The following AMMECR1 variants were observed in gnomAD, a reference collection of about 807,000 sequenced individuals.
AMMECR1 encodes nuclear protein AMMECR1.
AMMECR1 carries 3 observed loss-of-function variants against 22.5 expected under a neutral mutation model. The observed-to-expected ratio is 0.13, with a 90% CI of 0.06 to 0.35. The LOEUF is 0.35. Among genes scored for constraint, AMMECR1 ranks in the 10% least tolerant of loss-of-function variants. The probability of loss-of-function intolerance (pLI) is 1.00; values close to 1 mark genes in which losing one functional copy is unlikely to be tolerated. For synonymous variants in AMMECR1, 130 were observed against 116.7 expected (o/e 1.11, Z -0.74); for missense variants, 235 against 278.7 (o/e 0.84, Z 1.12).
At chrX:110,211,919 A>G (rs904498950) in intron 3 of AMMECR1, among the ~76,000 whole-genome samples, 4 of 111,757 alleles carry the variant, frequency 3.6e-5, no homozygotes, top group African/African-American at 9.8e-5. Flanking sequence ...GAGGCTACCC[A>G]TAAACACTTA....
chrX:110,318,400 G>C (rs1326580852), upstream of AMMECR1, among the ~76,000 whole-genome samples: 1 of 111,180 alleles, frequency 9.0e-6, no homozygotes, highest in Admixed American at 9.4e-5. Context: ...AGAAAGGAAG[G>C]TGAAGGAAAC....
intron 1 of AMMECR1, among the ~76,000 whole-genome samples, chrX:110,276,985 T>C (rs1008751516): frequency 9.0e-6 from 1 of 111,060 alleles, no homozygotes; most frequent in African/African-American, 3.3e-5. Context: ...GTCAGGGTGA[T>C]GGTAGAGCTC....
chrX:110,261,881 G>A (rs1224349250), intron 2 of AMMECR1, among the ~76,000 whole-genome samples: 1 of 111,223 alleles, frequency 9.0e-6, no homozygotes, highest in Non-Finnish European at 1.9e-5. Flanking sequence ...TTGAATCCTG[G>A]TTCTATCACT....
chrX:110,355,673 G>A (rs1277393803), intron 2 of AMMECR1, among the ~76,000 whole-genome samples: 2 of 111,569 alleles, frequency 1.8e-5, no homozygotes, highest in South Asian at 3.8e-4. Flanking sequence ...ACAGTATAAA[G>A]GTTCCTCAAA....
At chrX:110,350,887 C>T (rs966754340) in intron 2 of AMMECR1, among the ~76,000 whole-genome samples, 2 of 110,810 alleles carry the variant, frequency 1.8e-5, no homozygotes, top group African/African-American at 6.6e-5. Flanking sequence ...GCAGGAGGTT[C>T]ACTTGAGCCT....
chrX:110,415,498 T>C (rs2068670881), intron 2 of AMMECR1, among the ~76,000 whole-genome samples: 1 of 111,245 alleles, frequency 9.0e-6, no homozygotes, highest in Admixed American at 9.6e-5. Context: ...ATTGTAGAAA[T>C]GGAATTTGGG....
In AMMECR1 at chrX:110,307,909, G is replaced by A. The variant is rs764949682; in HGVS notation, c.473+9690C>T. Among the ~76,000 whole-genome samples the A allele has an allele frequency of 7.1e-5, 6 of 84,266 alleles. No homozygotes were observed. In the South Asian group the frequency reaches 4.0e-3, roughly 56 times the overall value. The allele number at this position is 84,266 out of a possible 115,157, so 73.2% of individuals were successfully genotyped here. On this transcript the variant is annotated intron_variant, in intron 1 of 5. Coordinates refer to ENST00000262844, the MANE Select transcript of AMMECR1 (RefSeq NM_015365.3). ...TTTTGAGACATGGTCTGACTCTGTC[G>A]CCCAAGCTGGAGTGCAGTGGTGTGA...
rs148349527 is a variant in AMMECR1 at position 110,418,773 on chromosome X, C to T, written c.-148+7885G>A. 9.5e-3 allele frequency among the ~76,000 whole-genome samples: 1,066 copies of T among 111,761 alleles called. 13 individuals are homozygous for T. The highest frequency in any genetic ancestry group is 0.032 in the African/African-American group (989 of 30,714). ...TCCTCCAATTTTCTACACTTATTCT[C>T]ATTTCCTGGCAGCTCCTCCAGCTGC... On this transcript the variant is annotated intron_variant, in intron 2 of 7. Coordinates refer to the AMMECR1 transcript ENST00000372057.
intron 2 of AMMECR1, chrX:110,224,969 TA>T (rs754061800): frequency 2.9e-6 from 1 of 349,929 alleles, no homozygotes; most frequent in Non-Finnish European, 5.4e-6. Context: ...TTTTTTAAAT[TA>T]AAAAAAATCC....
upstream of AMMECR1, among the ~76,000 whole-genome samples, chrX:110,319,562 A>G (rs1015426533): frequency 8.9e-6 from 1 of 112,525 alleles, no homozygotes; most frequent in Admixed American, 9.4e-5. Flanking sequence ...AGATACATGC[A>G]CATAATCAGA....
chrX:110,266,295 C>T (rs1469749164), intron 1 of AMMECR1, among the ~76,000 whole-genome samples: 5 of 111,696 alleles, frequency 4.5e-5, no homozygotes, highest in Admixed American at 2.9e-4. Flanking sequence ...ATACCAGTAT[C>T]TTAAAATTTA....
intron 1 of AMMECR1, among the ~76,000 whole-genome samples, chrX:110,275,374 AT>A (rs1377207042): frequency 1.8e-5 from 2 of 108,780 alleles, no homozygotes; most frequent in Non-Finnish European, 3.8e-5. Context: ...GATTGGCAGT[AT>A]TTTTTTTTCA....
intron 1 of AMMECR1, 43 bp downstream of exon 1, chrX:110,317,556 T>C (rs2068055386): frequency 1.8e-6 from 2 of 1,125,559 alleles, no homozygotes; most frequent in African/African-American, 3.6e-5. Context: ...CTGAGCCCCA[T>C]CCCGAGCGCA....
intron 2 of AMMECR1, among the ~76,000 whole-genome samples, chrX:110,333,111 G>T (rs2068127044): frequency 9.0e-6 from 1 of 111,271 alleles, no homozygotes; most frequent in Non-Finnish European, 1.9e-5. Context: ...TGCACAAAAG[G>T]GCATAGGACC....
chrX:110,422,597 T>C (rs2068725437), intron 2 of AMMECR1, among the ~76,000 whole-genome samples: 1 of 112,518 alleles, frequency 8.9e-6, no homozygotes, highest in South Asian at 3.7e-4. Flanking sequence ...ACATCGCAAA[T>C]GTAACTTGCA....
intron 2 of AMMECR1, among the ~76,000 whole-genome samples, chrX:110,226,246 G>A (rs943031986): frequency 1.8e-5 from 2 of 112,149 alleles, no homozygotes; most frequent in African/African-American, 6.5e-5. Context: ...CCATTTTGTA[G>A]AGGAAGAAGC....
intron 2 of AMMECR1, among the ~76,000 whole-genome samples, chrX:110,248,851 G>T (rs1394423808): frequency 1.8e-5 from 2 of 112,083 alleles, no homozygotes; most frequent in African/African-American, 6.5e-5. Context: ...GTTGTGTCTG[G>T]CTAGAATCTA....
intron 4 of AMMECR1, 72 bp downstream of exon 4, chrX:110,202,374 G>C (rs2067401242): frequency 1.2e-6 from 1 of 830,503 alleles, no homozygotes; most frequent in East Asian, 3.2e-5. Context: ...TGCAAGGTCA[G>C]ATAACGCATT....
chrX:110,311,130 A>G (rs2068021257), intron 1 of AMMECR1, among the ~76,000 whole-genome samples: 1 of 111,830 alleles, frequency 8.9e-6, no homozygotes, highest in South Asian at 3.7e-4. Flanking sequence ...GGAATCCCCA[A>G]GTACTGTGGC....
Sources: gnomAD v4.1 joint callset for allele counts (sites outside exome capture counted in the v4.1 genomes callset) on GRCh38, gnomAD v4.1.1 for gene constraint, MANE v1.5 for transcripts, NCBI Gene and HGNC (gene_info 2026-07-23, HGNC 2026-07-21) for gene names.